Variants in PKD1L3 observed in about 807,000 individuals in gnomAD.
PKD1L3 encodes polycystin-1-like protein 3.
PKD1L3 carries 239 observed loss-of-function variants against 184.1 expected under a neutral mutation model. The ratio of observed to expected loss-of-function variants is 1.30; its 90% CI spans 1.17 to 1.45. The LOEUF (loss-of-function observed/expected upper bound fraction) is 1.45, where lower values mean the gene tolerates loss of function less well. Ranked by LOEUF, PKD1L3 falls within the 40% of genes most tolerant of loss-of-function variation. The probability of loss-of-function intolerance (pLI) is 0.00; values close to 1 mark genes in which losing one functional copy is unlikely to be tolerated. For missense variants in PKD1L3, 2,660 were observed against 2,067.2 expected (o/e 1.29, Z -5.56); for synonymous variants, 996 against 778.8 (o/e 1.28, Z -4.64).
rs757537592 is a variant in PKD1L3, at chr16:71,950,306, A to G, written c.3195T>C (p.Val1065=). 6 of 1,516,922 alleles carry G rather than the reference A, an allele frequency of 4.0e-6. No homozygotes were observed. In the South Asian group the frequency reaches 7.4e-5, roughly 19 times the overall value. 94.0% of individuals were successfully genotyped at this position (1,516,922 alleles called of 1,614,324 possible). The change falls in exon 20 of 30, where the codon GTT becomes GTC. Residue 1065 remains valine (V), a synonymous_variant. Transcript: ENST00000620267. ...QQGERHWARV[V]PENHHHFCCY... is the part of the protein sequence containing the mutation. ...AGCAGAAATGATGGTGGTTTTCAGGAACAACTGAAAATATATTTCAAGTTG... is the reference window on the plus strand; with the variant it reads ...AGCAGAAATGATGGTGGTTTTCAGGGACAACTGAAAATATATTTCAAGTTG...
At position 71,979,802 on chromosome 16, in the gene PKD1L3, G is replaced by A; in HGVS notation, c.1382C>T (p.Pro461Leu). ...CACACTCACTTGGACATTAACTCCT[G>A]GATGTTTATTCAAGAGCTCCTTCAA... is the stretch of plus-strand genomic sequence containing the variant. ...LALKELLNKHPGVNVQITGLA... is the reference protein window; with the variant it reads ...LALKELLNKHLGVNVQITGLA... The change falls in exon 9 of 30, where the codon CCA becomes CTA. Residue 461 changes from proline (P) to leucine (L), a missense_variant. Coordinates refer to ENST00000620267, the MANE Select transcript of PKD1L3 (RefSeq NM_181536.2). The A allele has an allele frequency of 6.6e-7, 1 of 1,507,718 alleles. No individual in the cohort carries two copies. The highest frequency in any genetic ancestry group is 8.8e-7 in the Non-Finnish European group (1 of 1,133,156). 93.4% of individuals were successfully genotyped at this position (1,507,718 alleles called of 1,614,324 possible). A position where few individuals can be genotyped will look rare whatever the true frequency, so the allele number is the denominator to read the frequency against.
intron 11 of PKD1L3, among the ~76,000 whole-genome samples, chr16:71,974,938 A>C (rs1168264974): frequency 6.6e-6 from 1 of 151,994 alleles, no homozygotes; most frequent in Admixed American, 6.6e-5. Flanking sequence ...ATTTTTCCCA[A>C]CGTAAAAATA....
intron 16 of PKD1L3, among the ~76,000 whole-genome samples, chr16:71,956,013 A>C (rs1254305645): frequency 1.3e-5 from 2 of 151,750 alleles, no homozygotes; most frequent in Admixed American, 1.3e-4. Context: ...ACTAAATATA[A>C]CACCTGGCTA....
At chr16:71,936,942 A>G (rs1237951056) in intron 25 of PKD1L3, among the ~76,000 whole-genome samples, 1 of 152,208 alleles carries the variant, frequency 6.6e-6, no homozygotes, top group Non-Finnish European at 1.5e-5. Context: ...CTTTAACTGA[A>G]TTCAGGTTTC....
At chr16:71,995,404 C>T (rs7191717) in intron 2 of PKD1L3, among the ~76,000 whole-genome samples, 47,430 of 152,100 alleles carry the variant, frequency 0.31, 10,764 homozygotes, top group African/African-American at 0.64. Context: ...AGGTACATTT[C>T]GAAAGGTCTC....
Position 71,977,287 on chromosome 16 carries a change from T to A in PKD1L3, c.1708A>T (p.Thr570Ser). 1 of 1,540,700 alleles carries A rather than the reference T, an allele frequency of 6.5e-7. No homozygotes were observed. The highest frequency in any genetic ancestry group is 8.8e-7 in the Non-Finnish European group (1 of 1,137,056). The change falls in exon 11 of 30, where the codon ACT becomes TCT. Residue 570 changes from threonine to serine, a missense_variant. Physicochemically the swap from Thr to Ser is moderately conservative, Grantham distance 58. Transcript: ENST00000620267. ...YLGFQYQPNC[T>S]HFHLNITLPK... is the part of the protein sequence containing the mutation. ...AGGGTGATGTTCAGGTGGAAGTGAG[T>A]GCAGTTAGGCTGATACTGGAACCCC...
At chr16:71,944,347 A>G (rs980639581) in intron 22 of PKD1L3, among the ~76,000 whole-genome samples, 177 bp from the exon 23 acceptor site, 1 of 152,176 alleles carries the variant, frequency 6.6e-6, no homozygotes, top group African/African-American at 2.4e-5. Flanking sequence ...AAAAAATTCC[A>G]ATCAATTGGG....
chr16:71,956,184 A>ATTTTTTTTTTTTTTTTTTTTTTTTTTTT (rs35268514), intron 16 of PKD1L3, among the ~76,000 whole-genome samples: 1 of 82,766 alleles, frequency 1.2e-5, no homozygotes, highest in African/African-American at 5.4e-5. Context: ...AAAGGAAGGA[A>ATTTTTTTTTTTTTTTTTTTTTTTTTTTT]TTTTTTTTTT....
intron 15 of PKD1L3, among the ~76,000 whole-genome samples, chr16:71,965,190 A>T (rs948113149): frequency 6.6e-6 from 1 of 152,100 alleles, no homozygotes; most frequent in Non-Finnish European, 1.5e-5. Flanking sequence ...AGCATAATTT[A>T]AAAAAATTCA....
intron 16 of PKD1L3, among the ~76,000 whole-genome samples, chr16:71,954,827 G>A (rs2038984016): frequency 6.6e-6 from 1 of 152,192 alleles, no homozygotes; most frequent in Admixed American, 6.5e-5. Context: ...GAAGCCACAG[G>A]ATTACTGAGC....
At chr16:71,954,508 TG>T (rs2038972950) in intron 16 of PKD1L3, among the ~76,000 whole-genome samples, 3 of 152,198 alleles carry the variant, frequency 2.0e-5, no homozygotes, top group African/African-American at 7.2e-5. Context: ...AAGATTCTTT[TG>T]TTGTTTTAGG....
At chr16:71,929,984 T>TA in intron 29 of PKD1L3, 68 bp downstream of exon 29, 1 of 1,451,758 alleles carries the variant, frequency 6.9e-7, no homozygotes, top group Non-Finnish European at 9.2e-7. Flanking sequence ...CCCGTCATCT[T>TA]AGGGGCAGTT....
chr16:71,930,647 TTTAG>T (rs2037917116), intron 28 of PKD1L3: 1 of 152,444 alleles, frequency 6.6e-6, no homozygotes, highest in Non-Finnish European at 1.5e-5. Flanking sequence ...AAACTGGCTT[TTTAG>T]TATTTTTTTT....
At chr16:71,937,689 A>G (rs555233888) in intron 24 of PKD1L3, among the ~76,000 whole-genome samples, 1 of 152,288 alleles carries the variant, frequency 6.6e-6, no homozygotes, top group African/African-American at 2.4e-5. Context: ...CGGTGGCTTA[A>G]CAGTTATTAT....
rs2037876197 is a variant in PKD1L3 at position 71,930,051 on chromosome 16, C to T, written c.5058+1G>A. On this transcript the variant is annotated splice_donor_variant, in intron 29 of 29. Transcript: ENST00000620267. LOFTEE classifies it high-confidence loss of function. ...TGCTAGTTTATCTTTTAGTTACCTACCTTAAGCGACTTTCTTTCTTTTCCA... is the reference window on the plus strand; with the variant it reads ...TGCTAGTTTATCTTTTAGTTACCTATCTTAAGCGACTTTCTTTCTTTTCCA... 1 of 1,548,350 alleles carries T rather than the reference C, an allele frequency of 6.5e-7. No individual in the cohort carries two copies.
chr16:71,959,615 G>C (rs2039193645), intron 16 of PKD1L3, among the ~76,000 whole-genome samples: 1 of 152,110 alleles, frequency 6.6e-6, no homozygotes, highest in South Asian at 2.1e-4. Flanking sequence ...CTCAAGAACG[G>C]TTAAAGCATT....
chr16:71,935,317 A>G, intron 26 of PKD1L3, 41 bp downstream of exon 26: 1 of 1,523,584 alleles, frequency 6.6e-7, no homozygotes. Context: ...AACTTTAGAC[A>G]TGAGGTAGGA....
chr16:71,967,507 C>T (rs1323518329), intron 14 of PKD1L3, among the ~76,000 whole-genome samples, 192 bp from the exon 15 acceptor site: 1 of 152,144 alleles, frequency 6.6e-6, no homozygotes, highest in Non-Finnish European at 1.5e-5. Context: ...CTCTGTCACC[C>T]AGGCTGGAGT....
Position 71,993,266 on chromosome 16 carries a change from T to A in PKD1L3, c.485A>T (p.His162Leu). The A allele has an allele frequency of 1.3e-6, 2 of 1,551,076 alleles. No homozygotes were observed. Among genetic ancestry groups the A allele is most frequent in the East Asian group, 4.9e-5 (2 of 40,886 alleles). Reference sequence around the variant, plus strand: ...TGCAACTCCTCTTTTTGTCTTCTTGTGTCTCTGGTACAAATGGGAATTATT... The same window carrying A: ...TGCAACTCCTCTTTTTGTCTTCTTGAGTCTCTGGTACAAATGGGAATTATT... Reference protein sequence around the residue: ...NGNNSHLYQRHKKTKRGVAIA... With the variant: ...NGNNSHLYQRLKKTKRGVAIA... The change falls in exon 3 of 30, where the codon CAC (histidine) becomes CTC (leucine). Residue 162 changes from histidine (H) to leucine (L), a missense_variant. Physicochemically the swap from His to Leu is moderately conservative, Grantham distance 99 (BLOSUM62 -3). Coordinates refer to ENST00000620267, the MANE Select transcript of PKD1L3 (RefSeq NM_181536.2).
Sources: allele counts gnomAD v4.1 joint callset (sites outside exome capture counted in the v4.1 genomes callset), GRCh38; gene constraint gnomAD v4.1.1; transcripts MANE v1.5; gene names NCBI Gene and HGNC (gene_info 2026-07-23, HGNC 2026-07-21).